Variants in INPP5D observed in about 807,000 individuals in gnomAD.
The protein encoded by INPP5D is inositol polyphosphate-5-phosphatase D.
A neutral mutation model predicts 122.9 loss-of-function variants in INPP5D; 33 were observed. That is an observed-to-expected ratio of 0.27 (90% CI 0.20 to 0.36). The LOEUF (loss-of-function observed/expected upper bound fraction) is 0.36, where lower values mean the gene tolerates loss of function less well. Among genes scored for constraint, INPP5D ranks in the 10% least tolerant of loss-of-function variants. INPP5D has a pLI of 1.00. For missense variants in INPP5D, 1,053 were observed against 1,412.7 expected, an observed-to-expected ratio of 0.75 and a Z score of 4.08; for synonymous variants, 584 against 576.2, an observed-to-expected ratio of 1.01 and a Z score of -0.19.
At position 233,204,289 on chromosome 2, in the gene INPP5D, C is replaced by A; in HGVS notation, c.3139C>A (p.Pro1047Thr). Reference protein sequence around the residue: ...QESPKMPRKEPPPCPEPGILS... With the variant: ...QESPKMPRKETPPCPEPGILS... ...ATCCCCCAAAATGCCGCGGAAGGAA[C>A]CCCCGCCCTGCCCGGAACCCGGCAT... The change falls in exon 26 of 27, where the codon CCC becomes ACC. Residue 1047 changes from proline (P) to threonine (T), a missense_variant. Around this residue, in one of 6 missense-constraint regions of INPP5D, gnomAD observed 417 missense variants for 425.8 expected, o/e 0.98. Coordinates refer to ENST00000445964, the MANE Select transcript of INPP5D (RefSeq NM_001017915.3). 2 of 1,613,062 alleles carry A rather than the reference C, an allele frequency of 1.2e-6. No individual in the cohort carries two copies. The highest frequency in any genetic ancestry group is 1.7e-6 in the Non-Finnish European group (2 of 1,179,668).
At chr2:233,079,499 G>C in intron 2 of INPP5D, 101 bp downstream of exon 2, 1 of 789,596 alleles carries the variant, frequency 1.3e-6, no homozygotes, top group Non-Finnish European at 2.2e-6. Flanking sequence ...GCAGGTAGCC[G>C]GACGTGAAGG....
chr2:233,077,811 GA>G (rs1364754685), intron 1 of INPP5D, among the ~76,000 whole-genome samples: 2 of 149,470 alleles, frequency 1.3e-5, no homozygotes, highest in African/African-American at 4.9e-5. Context: ...AGTGAGCCGA[GA>G]TCGTGCCACT....
intron 22 of INPP5D, among the ~76,000 whole-genome samples, chr2:233,192,274 T>C (rs1352012803): frequency 2.0e-5 from 3 of 152,352 alleles, no homozygotes; most frequent in African/African-American, 7.2e-5. Flanking sequence ...CCTGTATTTC[T>C]GCGACACGGC....
rs936708807 is a variant in INPP5D, at chr2:233,189,365, A to G, written c.2359-485A>G. Among the ~76,000 whole-genome samples the G allele has an allele frequency of 6.6e-6, 1 of 152,226 alleles. No homozygotes were observed. The highest frequency in any genetic ancestry group is 6.5e-5 in the Admixed American group (1 of 15,288). ...TCCTCCCTAGATAGGGGCAAGCCAG[A>G]CAGGGGCAGGGCTGGGATGCAGCCA... On this transcript the variant is annotated intron_variant, in intron 21 of 26. Coordinates refer to ENST00000445964, the MANE Select transcript of INPP5D (RefSeq NM_001017915.3). The surrounding 1 kb of genome is among the most constrained non-coding windows in gnomAD (Gnocchi z 5.6).
intron 2 of INPP5D, among the ~76,000 whole-genome samples, chr2:233,114,281 C>T (rs1049311086): frequency 6.6e-6 from 1 of 152,240 alleles, no homozygotes; most frequent in Non-Finnish European, 1.5e-5. Context: ...ATGCTCTGAC[C>T]TTTCTTTCTC....
intron 18 of INPP5D, among the ~76,000 whole-genome samples, chr2:233,179,989 TCAGGCA>T (rs1222544144): frequency 1.3e-5 from 2 of 152,146 alleles, no homozygotes; most frequent in Non-Finnish European, 2.9e-5. Flanking sequence ...CTGGGCACAC[TCAGGCA>T]GGAGCCCATC....
At chr2:233,116,248 G>GAT (rs138434323) in intron 2 of INPP5D, among the ~76,000 whole-genome samples, 2,889 of 135,188 alleles carry the variant, frequency 0.021, 40 homozygotes, top group Middle Eastern at 0.033. Context: ...TAGATAGATA[G>GAT]ATAGATATAG....
At position 233,128,049 on chromosome 2, in the gene INPP5D, G is replaced by T. The variant is rs76623848; in HGVS notation, c.524+2130G>T. 9.0e-3 allele frequency among the ~76,000 whole-genome samples: 1,371 copies of T among 152,358 alleles called. 15 individuals are homozygous for T. The highest frequency in any genetic ancestry group is 0.031 in the African/African-American group (1,309 of 41,584). On this transcript the variant is annotated intron_variant, in intron 4 of 26. Coordinates refer to ENST00000445964, the MANE Select transcript of INPP5D (RefSeq NM_001017915.3). The surrounding 1 kb of genome is among the most constrained non-coding windows in gnomAD (Gnocchi z 4.5). Reference sequence around the variant, plus strand: ...CCTGTGGACTATTAGGAACTGGGTGGCAGCAGGAGGTGAGCGGAGGGCAAG... The same window carrying T: ...CCTGTGGACTATTAGGAACTGGGTGTCAGCAGGAGGTGAGCGGAGGGCAAG...
chr2:233,169,910 A>G lies in INPP5D; in HGVS notation c.1653-116A>G, dbSNP rs1018376169. 2.6e-6 allele frequency: 4 copies of G among 1,556,340 alleles called. No homozygotes were observed. The African/African-American group carries it at 5.4e-5, about 21-fold the overall frequency. On this transcript the variant is annotated intron_variant, in intron 14 of 26. Transcript: ENST00000445964. The stretch of plus-strand genomic sequence containing the variant: ...CAGCAGGGCTGGAGGGCTAAGTCTC[A>G]CTTCCCCCCACCTGCTATGCTCCTC...
intron 25 of INPP5D, among the ~76,000 whole-genome samples, chr2:233,202,698 C>T (rs566061468): frequency 6.6e-6 from 1 of 152,358 alleles, no homozygotes; most frequent in South Asian, 2.1e-4. Context: ...AAGCAGAACC[C>T]AGAACACTCC....
intron 18 of INPP5D, 68 bp from the exon 19 acceptor site, chr2:233,182,342 T>C (rs1694804454): frequency 6.3e-7 from 1 of 1,598,474 alleles, no homozygotes. Flanking sequence ...TGCTTTAGGG[T>C]TGCCATCCTT....
chr2:233,146,749 CA>C (rs1264383277), intron 8 of INPP5D, among the ~76,000 whole-genome samples: 3 of 151,882 alleles, frequency 2.0e-5, no homozygotes, highest in African/African-American at 7.3e-5. Context: ...GACGGGGCTG[CA>C]AAGTACTGCC....
intron 2 of INPP5D, among the ~76,000 whole-genome samples, chr2:233,117,509 G>T (rs995985188): frequency 1.3e-5 from 2 of 152,200 alleles, no homozygotes; most frequent in African/African-American, 2.4e-5. Flanking sequence ...ATCCTGTAAG[G>T]TCTCCATGGT....
chr2:233,195,568 C>G, intron 24 of INPP5D, 73 bp downstream of exon 24: 2 of 1,600,040 alleles, frequency 1.2e-6, no homozygotes, highest in Non-Finnish European at 1.7e-6. Context: ...ATGGTTTGGC[C>G]GGGTGCGATG....
At chr2:233,122,389 G>C in intron 3 of INPP5D, 132 bp downstream of exon 3, 4 of 937,136 alleles carry the variant, frequency 4.3e-6, no homozygotes, top group Non-Finnish European at 6.3e-6. Context: ...GGACAAGTTA[G>C]GAACACAGGC....
chr2:233,068,593 T>TAA (rs532505071), intron 1 of INPP5D, among the ~76,000 whole-genome samples: 57 of 148,208 alleles, frequency 3.8e-4, no homozygotes, highest in Middle Eastern at 3.5e-3. Context: ...AGAATCCGTC[T>TAA]AAAAAAAAAA....
intron 2 of INPP5D, among the ~76,000 whole-genome samples, chr2:233,093,221 A>G (rs1574719124): frequency 1.3e-5 from 2 of 152,310 alleles, no homozygotes; most frequent in African/African-American, 2.4e-5. Context: ...CTCTTAGGGC[A>G]GTAGTGAGGG....
chr2:233,077,804 G>C (rs1049123102), intron 1 of INPP5D, among the ~76,000 whole-genome samples: 57 of 151,058 alleles, frequency 3.8e-4, no homozygotes, highest in Admixed American at 3.6e-3. Context: ...AGGTTGCAGT[G>C]AGCCGAGATC....
chr2:233,124,383 C>T (rs536104026), intron 3 of INPP5D, among the ~76,000 whole-genome samples: 1 of 152,352 alleles, frequency 6.6e-6, no homozygotes, highest in African/African-American at 2.4e-5. Context: ...TCCCTCCCAC[C>T]CTCATGGAAA....
Sources: gnomAD v4.1 joint callset for allele counts (sites outside exome capture counted in the v4.1 genomes callset) on GRCh38, gnomAD v4.1.1 for gene constraint, gnomAD v4.1.1 regional missense constraint, Gnocchi (gnomAD v3.1) non-coding constraint, MANE v1.5 for transcripts, NCBI Gene and HGNC (gene_info 2026-07-23, HGNC 2026-07-21) for gene names.